Variants in CLEC4D observed in about 807,000 individuals in gnomAD.
CLEC4D encodes C-type (calcium dependent, carbohydrate-recognition domain) lectin, superfamily member 8.
Under a neutral mutation model 21.1 loss-of-function variants are expected in CLEC4D, and 21 were observed. The ratio of observed to expected loss-of-function variants is 1.00; its 90% CI spans 0.71 to 1.43. CLEC4D has a LOEUF of 1.43. Ranked by LOEUF, CLEC4D falls within the 40% of genes most tolerant of loss-of-function variation. The pLI, the probability that CLEC4D is intolerant of heterozygous loss-of-function variation, is 0.00. For synonymous variants in CLEC4D, 85 were observed against 83.1 expected, an observed-to-expected ratio of 1.02 and a Z score of -0.12; for missense variants, 289 against 260.7, an observed-to-expected ratio of 1.11 and a Z score of -0.75.
chr12:8,519,022 C>G lies in CLEC4D; in HGVS notation c.246C>G (p.Asn82Lys), dbSNP rs757573569. ...TTTTCACTTGAGGGAGCACCTGGAA[C>G]TGTTGTCCTATTGACTGGAGAGCCT... ...ELKSAEGSTW[N>K]CCPIDWRAFQ... Residue 82 changes from asparagine (N) to lysine (K), a missense_variant, in exon 4 of 6, where the codon AAC (asparagine) becomes AAG (lysine). Transcript: ENST00000299665. 1 of 1,613,814 alleles carries G rather than the reference C, an allele frequency of 6.2e-7. No homozygotes were observed. The highest frequency in any genetic ancestry group is 1.7e-5 in the Admixed American group (1 of 59,940).
rs774176768 is a variant in CLEC4D at position 8,519,087 on chromosome 12, C to G, written c.311C>G (p.Thr104Arg). 1.9e-6 allele frequency: 3 copies of G among 1,614,136 alleles called. No homozygotes were observed. The African/African-American group carries it at 4.0e-5, about 22-fold the overall frequency. The change falls in exon 4 of 6, where the codon ACG (threonine) becomes AGG (arginine). Residue 104 changes from threonine to arginine, a missense_variant. Transcript: ENST00000299665. ...TATTTTCCTCTTACTGACAACAAGA[C>G]GTGGGCTGAGAGTGAAAGGAACTGT... ...NCYFPLTDNK[T>R]WAESERNCSG...
intron 5 of CLEC4D, among the ~76,000 whole-genome samples, chr12:8,520,690 A>C (rs1940447100): frequency 6.6e-6 from 1 of 152,250 alleles, no homozygotes; most frequent in Non-Finnish European, 1.5e-5. Context: ...AGTATCGTTT[A>C]GTAAAAATAT....
chr12:8,523,079 A>G (rs905429169), downstream of CLEC4D, among the ~76,000 whole-genome samples: 3 of 152,322 alleles, frequency 2.0e-5, no homozygotes, highest in African/African-American at 4.8e-5. Flanking sequence ...GACCAGTACC[A>G]TACTGTTTTG....
intron 4 of CLEC4D, among the ~76,000 whole-genome samples, chr12:8,519,669 A>G (rs991728709): frequency 6.6e-6 from 1 of 152,244 alleles, no homozygotes; most frequent in African/African-American, 2.4e-5. Flanking sequence ...GATAAAGTAC[A>G]GGAAAACTAA....
intron 5 of CLEC4D, 43 bp from the exon 6 acceptor site, chr12:8,521,081 T>C: frequency 6.3e-7 from 1 of 1,588,622 alleles, no homozygotes; most frequent in South Asian, 1.1e-5. Context: ...CTACATTGTC[T>C]ATATATACCT....
downstream of CLEC4D, among the ~76,000 whole-genome samples, chr12:8,526,767 T>C (rs1252123521): frequency 6.6e-6 from 1 of 152,198 alleles, no homozygotes; most frequent in Non-Finnish European, 1.5e-5. Context: ...GAAGAGGCAC[T>C]CTTGTCTTTT....
At chr12:8,529,604 G>C in the CLEC4D span, among the ~76,000 whole-genome samples, 1 of 152,098 alleles carries the variant, frequency 6.6e-6, no homozygotes, top group Admixed American at 6.6e-5. Flanking sequence ...GACGGAGTGA[G>C]ATCCTGTCTC....
intron 2 of CLEC4D, among the ~76,000 whole-genome samples, chr12:8,517,427 C>T (rs1940394772): frequency 6.6e-6 from 1 of 151,754 alleles, no homozygotes; most frequent in Admixed American, 6.6e-5. Flanking sequence ...TTAGGCATAT[C>T]TCCAAATGCT....
At chr12:8,524,624 TTTG>T (rs1325754574), downstream of CLEC4D, among the ~76,000 whole-genome samples, 2 of 152,208 alleles carry the variant, frequency 1.3e-5, no homozygotes, top group Non-Finnish European at 2.9e-5. Flanking sequence ...GTCTATCTAC[TTTG>T]TTAATTTTTT....
chr12:8,521,130 G>A lies in CLEC4D; in HGVS notation c.507G>A (p.Trp169Ter), dbSNP rs1940452179. Residue 169 changes from tryptophan (W) to a stop codon, truncating the protein, a stop_gained, in exon 6 of 6, where the codon TGG becomes TGA. Coordinates refer to ENST00000299665, the MANE Select transcript of CLEC4D (RefSeq NM_080387.5). LOFTEE classifies it low-confidence loss of function (END_TRUNC). The stretch of plus-strand genomic sequence containing the variant: ...TATGTTGTTGTTCTTTCAGATTCTG[G>A]CATAAGAATGAACCCGACAACTCTC... ...QTPFNPRRVF[W>*]HKNEPDNSQG... The A allele has an allele frequency of 1.2e-6, 2 of 1,611,510 alleles. No individual in the cohort carries two copies. The highest frequency in any genetic ancestry group is 1.3e-5 in the African/African-American group (1 of 74,710).
At chr12:8,530,839 C>T in the CLEC4D span, among the ~76,000 whole-genome samples, 1 of 152,144 alleles carries the variant, frequency 6.6e-6, no homozygotes, top group African/African-American at 2.4e-5. Flanking sequence ...TAATACTCTG[C>T]AAAATGTACA....
chr12:8,514,657 C>T (rs1290802136), intron 1 of CLEC4D, among the ~76,000 whole-genome samples: 3 of 152,052 alleles, frequency 2.0e-5, no homozygotes, highest in Non-Finnish European at 4.4e-5. Context: ...TGCTTATTTC[C>T]CCTCAGCCTT....
At chr12:8,528,830 G>A in the CLEC4D span, among the ~76,000 whole-genome samples, 1 of 151,446 alleles carries the variant, frequency 6.6e-6, no homozygotes, top group African/African-American at 2.4e-5. Context: ...TATACTATAT[G>A]TACTACATAT....
chr12:8,527,056 A>C (rs1165836485), downstream of CLEC4D, among the ~76,000 whole-genome samples: 1 of 152,174 alleles, frequency 6.6e-6, no homozygotes, highest in Non-Finnish European at 1.5e-5. Flanking sequence ...AGCAGCAAAG[A>C]CGGGTGCCTG....
rs771336716 is a variant in CLEC4D, at chr12:8,520,321, G to A, written c.480G>A (p.Thr160=). 4.1e-5 allele frequency: 66 copies of A among 1,613,800 alleles called. 2 individuals are homozygous for A. The South Asian group carries it at 4.8e-4, about 12-fold the overall frequency. The change falls in exon 5 of 6, where the codon ACG becomes ACA. Residue 160 remains threonine, a synonymous_variant. Coordinates refer to ENST00000299665, the MANE Select transcript of CLEC4D (RefSeq NM_080387.5). ...AKGQWRWVDQ[T]PFNPRRVFWH... The stretch of plus-strand genomic sequence containing the variant: ...GTCAGTGGCGTTGGGTGGACCAGAC[G>A]CCATTTAACCCACGCAGAGTGTAAG...
chr12:8,525,188 A>C (rs1940497086), downstream of CLEC4D, among the ~76,000 whole-genome samples: 1 of 152,154 alleles, frequency 6.6e-6, no homozygotes, highest in African/African-American at 2.4e-5. Flanking sequence ...GATTTGGGGT[A>C]GAGAGTTCTG....
Position 8,519,110 on chromosome 12 carries a change from T to A in CLEC4D, c.334T>A (p.Cys112Ser). Residue 112 changes from cysteine to serine, a missense_variant, in exon 4 of 6, where the codon TGT becomes AGT. Physicochemically the swap from Cys to Ser is moderately radical, Grantham distance 112 (BLOSUM62 -1). Coordinates refer to ENST00000299665, the MANE Select transcript of CLEC4D (RefSeq NM_080387.5). ...NKTWAESERN[C>S]SGMGAHLMTI... ...GACGTGGGCTGAGAGTGAAAGGAAC[T>A]GTTCAGGGATGGGGGCCCATCTGAT... 6.2e-7 allele frequency: 1 copy of A among 1,614,110 alleles called. No individual in the cohort carries two copies. Among genetic ancestry groups the A allele is most frequent in the Non-Finnish European group, 8.5e-7 (1 of 1,179,982 alleles).
chr12:8,523,828 C>T (rs1002318464), downstream of CLEC4D, among the ~76,000 whole-genome samples: 1 of 152,130 alleles, frequency 6.6e-6, no homozygotes, highest in Non-Finnish European at 1.5e-5. Flanking sequence ...GATATATTGG[C>T]TGTGCGTTCG....
chr12:8,523,941 C>T (rs1940485891), downstream of CLEC4D, among the ~76,000 whole-genome samples: 2 of 152,124 alleles, frequency 1.3e-5, no homozygotes, highest in Admixed American at 1.3e-4. Flanking sequence ...GCCTTTTCTG[C>T]GTCTATTGAG....
Sources: gnomAD v4.1 joint callset for allele counts (sites outside exome capture counted in the v4.1 genomes callset) on GRCh38, gnomAD v4.1.1 for gene constraint, MANE v1.5 for transcripts, NCBI Gene and HGNC (gene_info 2026-07-23, HGNC 2026-07-21) for gene names.